Variants in PCDHGC3 observed in about 807,000 individuals in gnomAD.
PCDHGC3 encodes protocadherin gamma subfamily C, 3, also known as protocadherin gamma-C3.
PCDHGC3 carries 26 observed loss-of-function variants against 59.2 expected under a neutral mutation model. The ratio of observed to expected loss-of-function variants is 0.44; its 90% CI spans 0.32 to 0.61. PCDHGC3 has a LOEUF of 0.61. PCDHGC3 is among the 20% of genes least tolerant of loss of function. PCDHGC3 has a pLI of 0.05. For missense variants in PCDHGC3, 1,080 were observed against 1,221.8 expected (o/e 0.88, Z 1.73); for synonymous variants, 487 against 519.7 (o/e 0.94, Z 0.86).
At chr5:141,497,050 G>T (rs113054804) in intron 2 of PCDHGC3, among the ~76,000 whole-genome samples, 5,544 of 152,084 alleles carry the variant, frequency 0.036, 137 homozygotes, top group South Asian at 0.074. Context: ...TTAGCCAGGC[G>T]TGGTGGCAGG....
chr5:141,492,846 A>G (rs1404624093), intron 1 of PCDHGC3, among the ~76,000 whole-genome samples: 1 of 152,184 alleles, frequency 6.6e-6, no homozygotes, highest in African/African-American at 2.4e-5. Flanking sequence ...AGGAAGTGAA[A>G]GCCTCGAGCG....
In PCDHGC3 at chr5:141,476,208, C is replaced by A. The variant is rs1266601125; in HGVS notation, c.92C>A (p.Thr31Lys). 1.2e-6 allele frequency: 2 copies of A among 1,613,912 alleles called. No homozygotes were observed. Among genetic ancestry groups the A allele is most frequent in the East Asian group, 4.5e-5 (2 of 44,826 alleles). Residue 31 changes from threonine to lysine, a missense_variant, in exon 1 of 4, where the codon ACG (threonine) becomes AAG (lysine). Coordinates refer to ENST00000308177, the MANE Select transcript of PCDHGC3 (RefSeq NM_002588.4). The surrounding 1 kb of genome is among the most constrained non-coding windows in gnomAD (Gnocchi z 7.6). ...CTTGGTGCCTTGAACAAGGCTTCCA[C>A]GGTCATTCACTATGAGATCCCGGAG... ...LLLGALNKASTVIHYEIPEER... is the reference protein window; with the variant it reads ...LLLGALNKASKVIHYEIPEER...
chr5:141,492,911 G>A (rs1008138353), intron 1 of PCDHGC3, among the ~76,000 whole-genome samples: 1 of 152,216 alleles, frequency 6.6e-6, no homozygotes, highest in Admixed American at 6.5e-5. Context: ...TGATCACAAT[G>A]TGCCCAGCGA....
In PCDHGC3 at chr5:141,489,928, G is replaced by A. The variant is rs752861962; in HGVS notation, c.2431-4879G>A. ...CCGCTCAGGGACCACCCTTATCTCT[G>A]TCATCGTGCTGGACATCAATGATAA... On this transcript the variant is annotated intron_variant, in intron 1 of 3. Transcript: ENST00000308177. The surrounding 1 kb of genome is among the most constrained non-coding windows in gnomAD (Gnocchi z 4.5). 2 of 1,614,206 alleles carry A rather than the reference G, an allele frequency of 1.2e-6. No homozygotes were observed. Among genetic ancestry groups the A allele is most frequent in the Non-Finnish European group, 1.7e-6 (2 of 1,180,038 alleles).
chr5:141,488,222 G>A (rs1351438124), intron 1 of PCDHGC3, among the ~76,000 whole-genome samples: 1 of 152,104 alleles, frequency 6.6e-6, no homozygotes, highest in Admixed American at 6.5e-5. Flanking sequence ...TCCCTACTGG[G>A]GATTTGAACT....
At position 141,485,227 on chromosome 5, in the gene PCDHGC3, G is replaced by C. The variant is rs2099609828; in HGVS notation, c.2430+6681G>C. 1 of 1,614,186 alleles carries C rather than the reference G, an allele frequency of 6.2e-7. No individual in the cohort carries two copies. Among genetic ancestry groups the C allele is most frequent in the Non-Finnish European group, 8.5e-7 (1 of 1,180,020 alleles). On this transcript the variant is annotated intron_variant, in intron 1 of 3. Transcript: ENST00000308177. The surrounding 1 kb of genome is among the most constrained non-coding windows in gnomAD (Gnocchi z 5.7). The stretch of plus-strand genomic sequence containing the variant: ...AAATCTGGCGGTGGGCTACCCTTTT[G>C]TTCCTCTTTTACCACCTGGGTTACG...
intron 2 of PCDHGC3, among the ~76,000 whole-genome samples, chr5:141,500,844 T>C (rs190011905): frequency 6.6e-6 from 1 of 152,204 alleles, no homozygotes; most frequent in Non-Finnish European, 1.5e-5. Flanking sequence ...AATGGGCTTT[T>C]GCTACATTAG....
In PCDHGC3 at chr5:141,477,147, A is replaced by G. The variant is rs1195888163; in HGVS notation, c.1031A>G (p.Asp344Gly). The change falls in exon 1 of 4, where the codon GAT becomes GGT. Residue 344 changes from aspartate (D) to glycine (G), a missense_variant. By Grantham distance (94) the Asp-to-Gly change is moderately conservative (BLOSUM62 -1). Coordinates refer to ENST00000308177, the MANE Select transcript of PCDHGC3 (RefSeq NM_002588.4). The surrounding 1 kb of genome is among the most constrained non-coding windows in gnomAD (Gnocchi z 4.9). Reference protein sequence around the residue: ...AHCKVLVEVVDVNDNAPEITV... With the variant: ...AHCKVLVEVVGVNDNAPEITV... The stretch of plus-strand genomic sequence containing the variant: ...TGCAAAGTGTTGGTGGAGGTTGTGG[A>G]TGTGAATGACAACGCCCCGGAGATC... 2 of 1,614,168 alleles carry G rather than the reference A, an allele frequency of 1.2e-6. No individual in the cohort carries two copies. The highest frequency in any genetic ancestry group is 1.1e-5 in the South Asian group (1 of 91,080).
chr5:141,485,387 C>T lies in PCDHGC3; in HGVS notation c.2430+6841C>T. The T allele has an allele frequency of 6.2e-7, 1 of 1,614,078 alleles. No homozygotes were observed. Among genetic ancestry groups the T allele is most frequent in the Non-Finnish European group, 8.5e-7 (1 of 1,179,994 alleles). On this transcript the variant is annotated intron_variant, in intron 1 of 3. Coordinates refer to ENST00000308177, the MANE Select transcript of PCDHGC3 (RefSeq NM_002588.4). This position sits in a 1 kb window ranked among gnomAD's most constrained non-coding sequence, Gnocchi z 5.7. ...GCTGCAGGTCGCTGGAGAGGTGAAC[C>T]AAAGACACTTCCGTGTGGATTTGGA...
chr5:141,495,000 G>A lies in PCDHGC3; in HGVS notation c.2489+135G>A, dbSNP rs191756104. ...AGTTTGAGATCCCAGGGAGGTCTTG[G>A]TGTGCGGGGGGCTGGCACACAGACC... On this transcript the variant is annotated intron_variant, in intron 2 of 3. Transcript: ENST00000308177. 1.3e-4 allele frequency: 202 copies of A among 1,531,656 alleles called. 2 individuals carry two copies. The African/African-American group carries it at 2.4e-3, about 19-fold the overall frequency. The allele number at this position is 1,531,656 out of a possible 1,614,324, so 94.9% of individuals were successfully genotyped here. A position where few individuals can be genotyped will look rare whatever the true frequency, so the allele number is the denominator to read the frequency against.
Position 141,486,446 on chromosome 5 carries a change from G to T in PCDHGC3, c.2430+7900G>T. ...GGCCAAATCTAGCTATGACATCATGGTCACTGCTTCTGATGCTGGGAACCC... is the reference window on the plus strand; with the variant it reads ...GGCCAAATCTAGCTATGACATCATGTTCACTGCTTCTGATGCTGGGAACCC... On this transcript the variant is annotated intron_variant, in intron 1 of 3. Coordinates refer to ENST00000308177, the MANE Select transcript of PCDHGC3 (RefSeq NM_002588.4). The surrounding 1 kb of genome is among the most constrained non-coding windows in gnomAD (Gnocchi z 5.0). 2 of 1,614,126 alleles carry T rather than the reference G, an allele frequency of 1.2e-6. No individual in the cohort carries two copies. Among genetic ancestry groups the T allele is most frequent in the Non-Finnish European group, 1.7e-6 (2 of 1,180,004 alleles).
At position 141,485,831 on chromosome 5, in the gene PCDHGC3, C is replaced by A; in HGVS notation, c.2430+7285C>A. The A allele has an allele frequency of 6.2e-7, 1 of 1,614,080 alleles. No individual in the cohort carries two copies. Among genetic ancestry groups the A allele is most frequent in the Non-Finnish European group, 8.5e-7 (1 of 1,180,026 alleles). ...GCTGACTGCTGTCGATGGAGGGAAC[C>A]CGCCGAGATCTGGCACCGCAGAGCT... On this transcript the variant is annotated intron_variant, in intron 1 of 3. Coordinates refer to ENST00000308177, the MANE Select transcript of PCDHGC3 (RefSeq NM_002588.4). The surrounding 1 kb of genome is among the most constrained non-coding windows in gnomAD (Gnocchi z 5.7).
chr5:141,497,210 G>T (rs988856908), intron 2 of PCDHGC3, among the ~76,000 whole-genome samples: 1 of 28,140 alleles, frequency 3.6e-5, no homozygotes, highest in African/African-American at 1.1e-3. Context: ...TGAGTGTAAT[G>T]GGGGGGGGAA....
intron 1 of PCDHGC3, chr5:141,484,904 C>A: frequency 2.5e-6 from 1 of 405,682 alleles, no homozygotes; most frequent in Non-Finnish European, 4.4e-6. Context: ...TCCAATGCTG[C>A]GACGCATTAA....
chr5:141,507,735 C>T (rs942364858), intron 3 of PCDHGC3, among the ~76,000 whole-genome samples: 3 of 152,268 alleles, frequency 2.0e-5, no homozygotes, highest in Non-Finnish European at 2.9e-5. Flanking sequence ...TCATGCAGCT[C>T]GTTCCCCTGT....
chr5:141,498,848 G>A (rs930895553), intron 2 of PCDHGC3, among the ~76,000 whole-genome samples: 3 of 151,908 alleles, frequency 2.0e-5, no homozygotes, highest in Non-Finnish European at 4.4e-5. Context: ...CAGGGGAATC[G>A]CTTGAACCCA....
In PCDHGC3 at chr5:141,505,470, C is replaced by G; in HGVS notation, c.2567C>G (p.Ala856Gly). 6.2e-7 allele frequency: 1 copy of G among 1,614,186 alleles called. No individual in the cohort carries two copies. Among genetic ancestry groups the G allele is most frequent in the Non-Finnish European group, 8.5e-7 (1 of 1,180,002 alleles). Residue 856 changes from alanine to glycine, a missense_variant, in exon 3 of 4, where the codon GCG (alanine) becomes GGG (glycine). Ala to Gly is a moderately conservative substitution (Grantham distance 60). Transcript: ENST00000308177. ...GAGATGCTGCAAGCCATGATCTTGG[C>G]GTCCGCCAGTGGTAAGTGGTGTCAG... The part of the protein sequence containing the change: ...DTEMLQAMIL[A>G]SASEAADGSS...
intron 3 of PCDHGC3, among the ~76,000 whole-genome samples, chr5:141,506,011 C>T (rs1209221520): frequency 6.6e-6 from 1 of 152,204 alleles, no homozygotes; most frequent in Non-Finnish European, 1.5e-5. Flanking sequence ...TCCTCTTTTG[C>T]TGCCCCTAAC....
At position 141,485,100 on chromosome 5, in the gene PCDHGC3, C is replaced by G. The variant is rs900224386; in HGVS notation, c.2430+6554C>G. 1.0e-5 allele frequency: 12 copies of G among 1,148,882 alleles called. No homozygotes were observed. Among genetic ancestry groups the G allele is most frequent in the Non-Finnish European group, 1.4e-5 (11 of 778,894 alleles). 71.2% of individuals were successfully genotyped at this position (1,148,882 alleles called of 1,614,324 possible). On this transcript the variant is annotated intron_variant, in intron 1 of 3. Coordinates refer to ENST00000308177, the MANE Select transcript of PCDHGC3 (RefSeq NM_002588.4). This position sits in a 1 kb window ranked among gnomAD's most constrained non-coding sequence, Gnocchi z 5.7. ...GGGAAAGGGAGATAGGTGTCTCCAG[C>G]TGCTGTGGCTGTTTGGGGCGGGTCG...
Sources: allele counts gnomAD v4.1 joint callset (sites outside exome capture counted in the v4.1 genomes callset), GRCh38; gene constraint gnomAD v4.1.1; non-coding constraint Gnocchi (gnomAD v3.1); transcripts MANE v1.5; gene names NCBI Gene and HGNC (gene_info 2026-07-23, HGNC 2026-07-21).